Variants in SZT2 observed in about 807,000 individuals in gnomAD.
The protein encoded by SZT2 is KICSTOR complex protein SZT2.
A neutral mutation model predicts 404.2 loss-of-function variants in SZT2; 216 were observed. That is an observed-to-expected ratio of 0.53 (90% confidence interval 0.48 to 0.60). The LOEUF (loss-of-function observed/expected upper bound fraction) is 0.60, where lower values mean the gene tolerates loss of function less well. Ranked by LOEUF, SZT2 falls within the 20% of genes least tolerant of loss-of-function variation. The probability of loss-of-function intolerance (pLI) is 0.00; values close to 1 mark genes in which losing one functional copy is unlikely to be tolerated. For synonymous variants in SZT2, 1,693 were observed against 1,749.9 expected (o/e 0.97, Z 0.81); for missense variants, 3,857 against 4,459.2 (o/e 0.86, Z 3.85).
intron 2 of SZT2, 47 bp from the exon 3 acceptor site, chr1:43,403,554 G>A: frequency 1.9e-6 from 3 of 1,588,058 alleles, no homozygotes; most frequent in Non-Finnish European, 2.6e-6. Context: ...TGGGAAGAAA[G>A]GGATACTTCG....
intron 1 of SZT2, among the ~76,000 whole-genome samples, chr1:43,399,466 A>ATTTT (rs58653132): frequency 4.1e-5 from 5 of 121,992 alleles, no homozygotes; most frequent in Non-Finnish European, 6.9e-5. Flanking sequence ...GCCAGAGGGA[A>ATTTT]TTTTTTTTTT....
In SZT2 at chr1:43,441,509, G is replaced by A. The variant is rs185048193; in HGVS notation, c.7517G>A (p.Arg2506Gln). Residue 2506 changes from arginine (R) to glutamine (Q), a missense_variant, in exon 54 of 72, where the codon CGG (arginine) becomes CAG (glutamine). Coordinates refer to ENST00000634258, the MANE Select transcript of SZT2 (RefSeq NM_001365999.1). The surrounding 1 kb of genome is among the most constrained non-coding windows in gnomAD (Gnocchi z 4.8). ...SDSGAQRQKR[R>Q]TTQLEEGEVG... ...CTTACTCCCACTGTCTTCAGGCGCC[G>A]GACAACACAGCTAGAAGAGGGTGAG... is the stretch of plus-strand genomic sequence containing the variant. 34 of 1,613,582 alleles carry A rather than the reference G, an allele frequency of 2.1e-5. No individual in the cohort carries two copies. Among genetic ancestry groups the A allele is most frequent in the Middle Eastern group, 3.3e-4 (2 of 6,060 alleles).
Position 43,432,605 on chromosome 1 carries a change from G to T in SZT2, c.5530+1G>T. 1 of 1,613,922 alleles carries T rather than the reference G, an allele frequency of 6.2e-7. No individual in the cohort carries two copies. The highest frequency in any genetic ancestry group is 8.5e-7 in the Non-Finnish European group (1 of 1,179,882). ...AGCCTGCCCCGCGTGCCACAGGGAG[G>T]TAAGAGAGGACTTGGGCAGCAGTCT... On this transcript the variant is annotated splice_donor_variant, in intron 38 of 71. Transcript: ENST00000634258. LOFTEE classifies it high-confidence loss of function.
At chr1:43,404,806 A>C in intron 4 of SZT2, 1 of 366,142 alleles carries the variant, frequency 2.7e-6, no homozygotes, top group Non-Finnish European at 4.9e-6. Flanking sequence ...GCTCCTGTAA[A>C]TCTCTTTGAT....
In SZT2 at chr1:43,441,272, A is replaced by G; in HGVS notation, c.7403A>G (p.Asp2468Gly). ...AAAACAACTGATGACATTGTCCTGGATCGGCCAGAAGACACTCGGGGCCGG... is the reference window on the plus strand; with the variant it reads ...AAAACAACTGATGACATTGTCCTGGGTCGGCCAGAAGACACTCGGGGCCGG... ...SPKTTDDIVLDRPEDTRGRRR... is the reference protein window; with the variant it reads ...SPKTTDDIVLGRPEDTRGRRR... The change falls in exon 53 of 72, where the codon GAT (aspartate) becomes GGT (glycine). Residue 2468 changes from aspartate (D) to glycine (G), a missense_variant. Coordinates refer to ENST00000634258, the MANE Select transcript of SZT2 (RefSeq NM_001365999.1). The surrounding 1 kb of genome is among the most constrained non-coding windows in gnomAD (Gnocchi z 4.8). 2 of 1,614,244 alleles carry G rather than the reference A, an allele frequency of 1.2e-6. No individual in the cohort carries two copies. Among genetic ancestry groups the G allele is most frequent in the Non-Finnish European group, 1.7e-6 (2 of 1,180,048 alleles).
chr1:43,447,238 G>T, intron 66 of SZT2, 70 bp downstream of exon 66: 1 of 1,496,416 alleles, frequency 6.7e-7, no homozygotes, highest in Non-Finnish European at 9.0e-7. Flanking sequence ...GTCAGGGCTG[G>T]TGGGACCACC....
In SZT2 at chr1:43,421,158, G is replaced by A. The variant is rs1436657464; in HGVS notation, c.1497-16G>A. On this transcript the variant is annotated splice_polypyrimidine_tract_variant and intron_variant, in intron 10 of 71. Transcript: ENST00000634258. ...GCAGAGTCAGATATGGCTCAGGCCT[G>A]GCCCTTATTCTACAGCATCAACCAG... 1 of 1,598,060 alleles carries A rather than the reference G, an allele frequency of 6.3e-7. No individual in the cohort carries two copies. The highest frequency in any genetic ancestry group is 1.1e-5 in the South Asian group (1 of 91,012).
intron 4 of SZT2, chr1:43,412,828 GA>G (rs1651232439): frequency 6.6e-6 from 1 of 152,012 alleles, no homozygotes; most frequent in South Asian, 2.1e-4. Flanking sequence ...TTTAAAATGG[GA>G]TTTTTTTTAT....
chr1:43,429,646 G>A (rs958890656), intron 28 of SZT2, 57 bp from the exon 29 acceptor site: 19 of 1,608,586 alleles, frequency 1.2e-5, no homozygotes, highest in Admixed American at 5.0e-5. Flanking sequence ...TGAGAGGCAG[G>A]CTACTTCAGA....
intron 7 of SZT2, among the ~76,000 whole-genome samples, chr1:43,418,386 A>G (rs1482340795): frequency 6.6e-6 from 1 of 152,230 alleles, no homozygotes; most frequent in Non-Finnish European, 1.5e-5. Context: ...CTTAAGAAAC[A>G]GATTGAGGGA....
rs748254246 is a variant in SZT2, at chr1:43,427,718, C to T, written c.3787C>T (p.Arg1263Ter). ...MVGMQPPQAP[R>*]DLIFRTQFLD... ...TGGCATGCAGCCCCCTCAGGCGCCCCGAGACCTCATCTTCCGGTGAGTGCC... is the reference window on the plus strand; with the variant it reads ...TGGCATGCAGCCCCCTCAGGCGCCCTGAGACCTCATCTTCCGGTGAGTGCC... The change falls in exon 26 of 72, where the codon CGA (arginine) becomes TGA (stop). Residue 1263 changes from arginine to a stop codon, truncating the protein, a stop_gained. Coordinates refer to ENST00000634258, the MANE Select transcript of SZT2 (RefSeq NM_001365999.1). LOFTEE classifies it high-confidence loss of function. 9.9e-6 allele frequency: 16 copies of T among 1,613,504 alleles called. No homozygotes were observed. The highest frequency in any genetic ancestry group is 1.3e-5 in the Non-Finnish European group (15 of 1,179,984).
Position 43,452,091 on chromosome 1 carries a change from T to C in SZT2, c.*1611T>C, listed in dbSNP as rs878912364. ...ATCAGTCAGTCACTGGTCAAGGCCC[T>C]CACCTGTTCCTCTGACCTAGGCTGG... is the stretch of plus-strand genomic sequence containing the variant. On this transcript the variant is annotated 3_prime_UTR_variant, in exon 72 of 72. Coordinates refer to ENST00000634258, the MANE Select transcript of SZT2 (RefSeq NM_001365999.1). The C allele has an allele frequency of 1.3e-6, 2 of 1,522,540 alleles. No homozygotes were observed. The highest frequency in any genetic ancestry group is 2.4e-5 in the South Asian group (2 of 84,838). The allele number at this position is 1,522,540 out of a possible 1,614,324, so 94.3% of individuals were successfully genotyped here.
chr1:43,389,910 G>A lies in SZT2; in HGVS notation c.-59G>A. ...TCCTGCTGGGTGCCGAGGTAGCGAGGTCAGGGGTCAAGAGTGGAACACCCT... is the reference window on the plus strand; with the variant it reads ...TCCTGCTGGGTGCCGAGGTAGCGAGATCAGGGGTCAAGAGTGGAACACCCT... On this transcript the variant is annotated 5_prime_UTR_variant, in exon 1 of 72. Coordinates refer to ENST00000634258, the MANE Select transcript of SZT2 (RefSeq NM_001365999.1). The A allele has an allele frequency of 1.3e-6, 2 of 1,548,224 alleles. No homozygotes were observed. The highest frequency in any genetic ancestry group is 1.7e-6 in the Non-Finnish European group (2 of 1,148,730).
Position 43,420,165 on chromosome 1 carries a change from G to A in SZT2, c.1103G>A (p.Arg368His), listed in dbSNP as rs757178219. Residue 368 changes from arginine to histidine, a missense_variant, in exon 9 of 72, where the codon CGC becomes CAC. Arg to His is a conservative substitution (Grantham distance 29). Transcript: ENST00000634258. This position sits in a 1 kb window ranked among gnomAD's most constrained non-coding sequence, Gnocchi z 5.1. ...NPEYYCGSQH[R>H]LFNEHLVSAS... is the part of the protein sequence containing the mutation. Reference sequence around the variant, plus strand: ...ACTGGTCTTCCAGGCTCTCAGCACCGCCTATTTAATGAGCACCTGGTCTCT... The same window carrying A: ...ACTGGTCTTCCAGGCTCTCAGCACCACCTATTTAATGAGCACCTGGTCTCT... The A allele has an allele frequency of 8.8e-6, 14 of 1,598,322 alleles. No individual in the cohort carries two copies. The highest frequency in any genetic ancestry group is 3.3e-5 in the Admixed American group (2 of 60,008).
rs775988619 is a variant in SZT2, at chr1:43,427,091, C to G, written c.3345C>G (p.Ile1115Met). The G allele has an allele frequency of 6.2e-7, 1 of 1,614,028 alleles. No individual in the cohort carries two copies. The highest frequency in any genetic ancestry group is 1.1e-5 in the South Asian group (1 of 91,080). The change falls in exon 24 of 72, where the codon ATC (isoleucine) becomes ATG (methionine). Residue 1115 changes from isoleucine to methionine, a missense_variant. Around this residue, in one of 7 missense-constraint regions of SZT2, gnomAD observed 1,725 missense variants for 1,881.0 expected, o/e 0.92. Coordinates refer to ENST00000634258, the MANE Select transcript of SZT2 (RefSeq NM_001365999.1). ...VGLPETLKPL[I>M]SAQPPQWRCY... ...TTCCTGAAACTCTCAAGCCTCTCAT[C>G]TCTGCCCAGCCCCCTCAGTGGCGCT...
At chr1:43,409,408 G>GA (rs1412720352) in intron 4 of SZT2, 4 of 308,278 alleles carry the variant, frequency 1.3e-5, no homozygotes, top group Non-Finnish European at 2.6e-5. Flanking sequence ...AGAGAAAAGT[G>GA]AAGGTCTACC....
At chr1:43,446,857 G>A (rs1213109206) in intron 65 of SZT2, 98 bp from the exon 66 acceptor site, 6 of 1,302,134 alleles carry the variant, frequency 4.6e-6, no homozygotes, top group Non-Finnish European at 6.4e-6. Context: ...ACAGCAGCAG[G>A]GGAAATCTTG....
chr1:43,443,152 A>G lies in SZT2; in HGVS notation c.8420-36A>G, dbSNP rs78947718. On this transcript the variant is annotated intron_variant, in intron 59 of 71. Transcript: ENST00000634258. ...GGAGTCTGGGAGGAAGGGAGTGACA[A>G]TGCCTGGGGCTACTACTAATGCCCT... is the stretch of plus-strand genomic sequence containing the variant. 1,539 of 1,613,912 alleles carry G rather than the reference A, an allele frequency of 9.5e-4. 15 individuals carry two copies. In the African/African-American group the frequency reaches 0.018, roughly 19 times the overall value.
In SZT2 at chr1:43,433,010, G is replaced by A; in HGVS notation, c.5624G>A (p.Gly1875Asp). 1 of 1,614,028 alleles carries A rather than the reference G, an allele frequency of 6.2e-7. No homozygotes were observed. Among genetic ancestry groups the A allele is most frequent in the Non-Finnish European group, 8.5e-7 (1 of 1,180,024 alleles). ...DHLGYDGGSS[G>D]SDSEGPNDTL... Reference sequence around the variant, plus strand: ...ACAGGTTATGATGGTGGCAGCAGTGGCTCAGACAGTGAGGGTCCCAATGAC... The same window carrying A: ...ACAGGTTATGATGGTGGCAGCAGTGACTCAGACAGTGAGGGTCCCAATGAC... Residue 1875 changes from glycine to aspartate, a missense_variant, in exon 40 of 72, where the codon GGC (glycine) becomes GAC (aspartate). Gly to Asp is a moderately conservative substitution (Grantham distance 94). Coordinates refer to ENST00000634258, the MANE Select transcript of SZT2 (RefSeq NM_001365999.1).
Sources: allele counts gnomAD v4.1 joint callset (sites outside exome capture counted in the v4.1 genomes callset), GRCh38; gene constraint gnomAD v4.1.1; regional missense constraint gnomAD v4.1.1; non-coding constraint Gnocchi (gnomAD v3.1); transcripts MANE v1.5; gene names NCBI Gene and HGNC (gene_info 2026-07-23, HGNC 2026-07-21).